Variants in PAXBP1 observed in about 807,000 individuals in gnomAD.
PAXBP1 encodes the protein PAX3- and PAX7-binding protein 1.
PAXBP1 carries 44 observed loss-of-function variants against 119.9 expected under a neutral mutation model. The observed-to-expected ratio is 0.37, with a 90% CI of 0.29 to 0.47. PAXBP1 has a LOEUF of 0.47. PAXBP1 is among the 20% of genes least tolerant of loss of function. The pLI, the probability that PAXBP1 is intolerant of heterozygous loss-of-function variation, is 0.99. For synonymous variants in PAXBP1, 393 were observed against 406.6 expected (o/e 0.97, Z 0.40); for missense variants, 898 against 1,134.1 (o/e 0.79, Z 2.99).
At chr21:32,748,392 A>T (rs113709185) in intron 11 of PAXBP1, 107 bp downstream of exon 11, 2 of 1,002,892 alleles carry the variant, frequency 2.0e-6, no homozygotes, top group African/African-American at 3.3e-5. Context: ...CCTATGCCCT[A>T]TCACCCCTGC....
intron 8 of PAXBP1, among the ~76,000 whole-genome samples, chr21:32,754,779 T>A (rs545224792): frequency 1.3e-5 from 2 of 152,172 alleles, no homozygotes; most frequent in Non-Finnish European, 2.9e-5. Flanking sequence ...GTGTCATTTG[T>A]TAAGTTATAG....
intron 7 of PAXBP1, among the ~76,000 whole-genome samples, chr21:32,758,658 A>AG (rs1243916373): frequency 6.6e-6 from 1 of 151,268 alleles, no homozygotes; most frequent in Non-Finnish European, 1.5e-5. Context: ...AAAAAAAAAA[A>AG]AAAAAAAACT....
chr21:32,738,660 C>T (rs1459075042), intron 15 of PAXBP1, among the ~76,000 whole-genome samples: 1 of 152,060 alleles, frequency 6.6e-6, no homozygotes, highest in Non-Finnish European at 1.5e-5. Flanking sequence ...TGGTTCTATG[C>T]ACACCCCCAC....
intron 10 of PAXBP1, among the ~76,000 whole-genome samples, chr21:32,750,492 C>T (rs183784274): frequency 2.0e-4 from 30 of 152,256 alleles, no homozygotes; most frequent in African/African-American, 6.0e-4. Flanking sequence ...TCTGAAAATG[C>T]CTGGCACATA....
intron 17 of PAXBP1, among the ~76,000 whole-genome samples, chr21:32,736,471 G>A (rs1357850614): frequency 1.3e-5 from 2 of 152,138 alleles, no homozygotes; most frequent in Non-Finnish European, 2.9e-5. Context: ...ACAGGCATGA[G>A]CCACCATGCC....
intron 10 of PAXBP1, 34 bp from the exon 11 acceptor site, chr21:32,748,732 A>G (rs2146485088): frequency 6.4e-7 from 1 of 1,563,944 alleles, no homozygotes; most frequent in East Asian, 2.3e-5. Context: ...AGAACCATAC[A>G]TTAGTATGAA....
At chr21:32,754,859 C>G (rs2044018493) in intron 8 of PAXBP1, among the ~76,000 whole-genome samples, 1 of 152,070 alleles carries the variant, frequency 6.6e-6, no homozygotes, top group Admixed American at 6.5e-5. Context: ...TCAACAAAAG[C>G]ATTTATTTGT....
intron 8 of PAXBP1, among the ~76,000 whole-genome samples, chr21:32,755,004 C>T (rs1466292072): frequency 6.6e-6 from 1 of 152,016 alleles, no homozygotes; most frequent in Non-Finnish European, 1.5e-5. Context: ...AATAAGAAGA[C>T]TGACAGAATC....
Position 32,771,664 on chromosome 21 carries a change from A to G in PAXBP1, c.5T>C (p.Phe2Ser). 7.1e-7 allele frequency: 1 copy of G among 1,416,288 alleles called. No homozygotes were observed. 87.7% of individuals were successfully genotyped at this position (1,416,288 alleles called of 1,614,324 possible). The stretch of plus-strand genomic sequence containing the variant: ...CACGTTCACCCGCCGGGCCTTTCGG[A>G]ACATCCCCGCGGCCCGCACGGCGGT... Reference protein sequence around the residue: MFRKARRVNVRK... With the variant: MSRKARRVNVRK... The change falls in exon 1 of 18, where the codon TTC (phenylalanine) becomes TCC (serine). Residue 2 changes from phenylalanine (F) to serine (S), a missense_variant. Coordinates refer to ENST00000331923, the MANE Select transcript of PAXBP1 (RefSeq NM_016631.4).
chr21:32,739,581 GAC>G (rs1351119583), intron 15 of PAXBP1, among the ~76,000 whole-genome samples: 3 of 152,068 alleles, frequency 2.0e-5, no homozygotes, highest in Non-Finnish European at 4.4e-5. Flanking sequence ...CCACATAGCA[GAC>G]AGAGTAATCT....
rs375623158 is a variant in PAXBP1, at chr21:32,762,946, T to C, written c.650-629A>G. On this transcript the variant is annotated intron_variant, in intron 3 of 17. Transcript: ENST00000331923. Reference sequence around the variant, plus strand: ...AAAAAAAAAAAGTAATGAAACTGTATTATGATGCTGGAAAACAGATAAAAA... The same window carrying C: ...AAAAAAAAAAAGTAATGAAACTGTACTATGATGCTGGAAAACAGATAAAAA... Among the ~76,000 whole-genome samples, 13 of 151,594 alleles carry C rather than the reference T, an allele frequency of 8.6e-5. No homozygotes were observed. In the East Asian group the frequency reaches 1.2e-3, roughly 14 times the overall value.
At chr21:32,735,131 A>G (rs747417873) in intron 17 of PAXBP1, 64 bp from the exon 18 acceptor site, 68 of 1,096,450 alleles carry the variant, frequency 6.2e-5, no homozygotes, top group Non-Finnish European at 8.6e-5. Context: ...TTTGCTACTG[A>G]TTTCATGGCT....
At chr21:32,735,425 GTC>G (rs2043679737) in intron 17 of PAXBP1, among the ~76,000 whole-genome samples, 1 of 152,096 alleles carries the variant, frequency 6.6e-6, no homozygotes, top group East Asian at 1.9e-4. Context: ...CCAAACCAGA[GTC>G]CTGGCTGTTT....
intron 5 of PAXBP1, among the ~76,000 whole-genome samples, 164 bp downstream of exon 5, chr21:32,760,895 G>A (rs960310592): frequency 8.0e-5 from 8 of 99,652 alleles, no homozygotes; most frequent in East Asian, 6.0e-4. Flanking sequence ...CTCTGTGTGC[G>A]TGCGTGCGTG....
At chr21:32,735,159 A>T in intron 17 of PAXBP1, 92 bp from the exon 18 acceptor site, 1 of 817,208 alleles carries the variant, frequency 1.2e-6, no homozygotes, top group Admixed American at 2.6e-5. Flanking sequence ...AGCTTCTGCA[A>T]TCAATTTTTC....
chr21:32,747,258 G>T (rs1203093952), intron 11 of PAXBP1, among the ~76,000 whole-genome samples: 1 of 152,084 alleles, frequency 6.6e-6, no homozygotes, highest in Admixed American at 6.5e-5. Flanking sequence ...AAAAGAACTG[G>T]ACAAAATACA....
At chr21:32,738,398 A>G (rs2146465325) in intron 15 of PAXBP1, 79 bp from the exon 16 acceptor site, 2 of 1,193,290 alleles carry the variant, frequency 1.7e-6, no homozygotes, top group South Asian at 1.5e-5. Context: ...GTAAAACACC[A>G]TATGAAATAC....
chr21:32,745,560 A>T lies in PAXBP1; in HGVS notation c.2068+14T>A. On this transcript the variant is annotated intron_variant, in intron 12 of 17. Transcript: ENST00000331923. The stretch of plus-strand genomic sequence containing the variant: ...GTGTGTCTGAATGCTCAATTCAGAG[A>T]ACAGGAGATTTACCTGTTAGTTTAG... 1.9e-6 allele frequency: 3 copies of T among 1,613,770 alleles called. No individual in the cohort carries two copies. The highest frequency in any genetic ancestry group is 2.5e-6 in the Non-Finnish European group (3 of 1,179,726).
intron 8 of PAXBP1, among the ~76,000 whole-genome samples, chr21:32,752,507 A>T (rs1475948169): frequency 6.6e-6 from 1 of 152,240 alleles, no homozygotes; most frequent in Non-Finnish European, 1.5e-5. Flanking sequence ...TAAGACTTGC[A>T]TATTTTTTTA....
Sources: allele counts gnomAD v4.1 joint callset (sites outside exome capture counted in the v4.1 genomes callset), GRCh38; gene constraint gnomAD v4.1.1; transcripts MANE v1.5; gene names NCBI Gene and HGNC (gene_info 2026-07-23, HGNC 2026-07-21).